CHRM2: variants seen among roughly 807,000 people sequenced by gnomAD.
CHRM2 encodes cholinergic receptor muscarinic 2, also known as muscarinic acetylcholine receptor M2.
CHRM2 carries 8 observed loss-of-function variants against 25.0 expected under a neutral mutation model. That is an observed-to-expected ratio of 0.32 (90% CI 0.19 to 0.58). The LOEUF (loss-of-function observed/expected upper bound fraction) is 0.58. Among genes scored for constraint, CHRM2 ranks in the 20% least tolerant of loss-of-function variants. The probability of loss-of-function intolerance (pLI) is 0.88; values close to 1 mark genes in which losing one functional copy is unlikely to be tolerated. For synonymous variants in CHRM2, 202 were observed against 205.7 expected, an observed-to-expected ratio of 0.98 and a Z score of 0.15; for missense variants, 440 against 567.1, an observed-to-expected ratio of 0.78 and a Z score of 2.28.
At chr7:136,989,958 C>T (rs1435035418) in intron 2 of CHRM2, among the ~76,000 whole-genome samples, 1 of 152,132 alleles carries the variant, frequency 6.6e-6, no homozygotes, top group East Asian at 1.9e-4. Context: ...CTCCCAGACT[C>T]AATTTTGCAT....
chr7:136,995,811 G>A (rs1789002853), intron 3 of CHRM2, among the ~76,000 whole-genome samples: 1 of 151,386 alleles, frequency 6.6e-6, no homozygotes, highest in Non-Finnish European at 1.5e-5. Context: ...AATTTCATAA[G>A]GATAAAGGGA....
intron 2 of CHRM2, chr7:136,871,938 C>T (rs1256849460): frequency 6.6e-6 from 1 of 152,198 alleles, no homozygotes; most frequent in East Asian, 1.9e-4. Context: ...GTTCCAGTTG[C>T]AGCAATACAA....
chr7:137,005,653 T>C (rs1456254840), intron 3 of CHRM2, among the ~76,000 whole-genome samples: 1 of 152,080 alleles, frequency 6.6e-6, no homozygotes, highest in East Asian at 1.9e-4. Context: ...CAGCTTCCAA[T>C]GGGCACATAG....
At chr7:136,948,154 A>G (rs1172435522) in intron 2 of CHRM2, among the ~76,000 whole-genome samples, 2 of 152,154 alleles carry the variant, frequency 1.3e-5, no homozygotes, top group Non-Finnish European at 2.9e-5. Context: ...CCAGTGGCCC[A>G]CATCCACCAA....
At chr7:136,910,027 G>A (rs1161758138) in intron 2 of CHRM2, among the ~76,000 whole-genome samples, 1 of 151,796 alleles carries the variant, frequency 6.6e-6, no homozygotes, top group Non-Finnish European at 1.5e-5. Flanking sequence ...TTTAGTAACT[G>A]AGTGAGTAGT....
intron 2 of CHRM2, among the ~76,000 whole-genome samples, chr7:136,991,025 T>C (rs563814857): frequency 1.3e-5 from 2 of 152,308 alleles, no homozygotes; most frequent in South Asian, 4.1e-4. Flanking sequence ...TGTTTTCTGG[T>C]GAGTTATCCA....
intron 3 of CHRM2, among the ~76,000 whole-genome samples, chr7:137,008,442 T>C (rs1804593027): frequency 6.6e-6 from 1 of 152,106 alleles, no homozygotes; most frequent in South Asian, 2.1e-4. Context: ...TTAGCCCTCA[T>C]ATACAAAATT....
chr7:136,899,882 T>C (rs1001866824), intron 2 of CHRM2: 1 of 152,114 alleles, frequency 6.6e-6, no homozygotes, highest in African/African-American at 2.4e-5. Flanking sequence ...TAGATATGAA[T>C]ACACTTCATA....
At chr7:136,967,474 C>A (rs2130916287) in intron 2 of CHRM2, among the ~76,000 whole-genome samples, 1 of 151,924 alleles carries the variant, frequency 6.6e-6, no homozygotes, top group East Asian at 1.9e-4. Context: ...CAAAATTTAA[C>A]CTTAAAGAAG....
intron 2 of CHRM2, among the ~76,000 whole-genome samples, chr7:136,960,573 T>C (rs1489877363): frequency 6.6e-6 from 1 of 152,146 alleles, no homozygotes; most frequent in Non-Finnish European, 1.5e-5. Flanking sequence ...AGTTGTAGAG[T>C]AACTGCTTAA....
At position 137,007,190 on chromosome 7, in the gene CHRM2, T is replaced by C. The variant is rs190873989; in HGVS notation, c.-46-7630T>C. ...ACCACATCTGACCAGCCTTGCTCCA[T>C]GGTTTCTCAGCCTTGTTGCTTAGCA... On this transcript the variant is annotated intron_variant, in intron 3 of 3. Coordinates refer to ENST00000680005, the MANE Select transcript of CHRM2 (RefSeq NM_001006630.2). 1.7e-3 allele frequency among the ~76,000 whole-genome samples: 258 copies of C among 152,230 alleles called. 2 individuals carry two copies. Among genetic ancestry groups the C allele is most frequent in the African/African-American group, 5.0e-3 (208 of 41,574 alleles).
chr7:136,967,805 T>C (rs556336014), intron 2 of CHRM2, among the ~76,000 whole-genome samples: 239 of 152,198 alleles, frequency 1.6e-3, no homozygotes, highest in African/African-American at 5.4e-3. Context: ...CCACTGAAAC[T>C]ACAATTAGGG....
chr7:136,869,128 C>T lies in CHRM2; in HGVS notation c.-282-133C>T, dbSNP rs1795708641. On this transcript the variant is annotated intron_variant, in intron 1 of 3. Coordinates refer to ENST00000680005, the MANE Select transcript of CHRM2 (RefSeq NM_001006630.2). This position sits in a 1 kb window ranked among gnomAD's most constrained non-coding sequence, Gnocchi z 4.9. The stretch of plus-strand genomic sequence containing the variant: ...TGAGACGAGTGTGGGGTGCGTGACT[C>T]TGCCTGCGCGCGCGCCAGCCCCGCA... The T allele has an allele frequency of 6.6e-6, 1 of 152,286 alleles. No homozygotes were observed. The highest frequency in any genetic ancestry group is 1.5e-5 in the Non-Finnish European group (1 of 68,144). 9.4% of individuals were successfully genotyped at this position (152,286 alleles called of 1,614,324 possible).
At chr7:136,958,677 A>C (rs1173499363) in intron 2 of CHRM2, among the ~76,000 whole-genome samples, 1 of 152,002 alleles carries the variant, frequency 6.6e-6, no homozygotes, top group Non-Finnish European at 1.5e-5. Flanking sequence ...GGCTAGTCTC[A>C]AATTCCTGAG....
rs189572942 is a variant in CHRM2 at position 136,989,413 on chromosome 7, C to T, written c.-124-2774C>T. Among the ~76,000 whole-genome samples, 84 of 152,126 alleles carry T rather than the reference C, an allele frequency of 5.5e-4. 1 individual carries two copies. The highest frequency in any genetic ancestry group is 1.3e-3 in the African/African-American group (55 of 41,530). On this transcript the variant is annotated intron_variant, in intron 2 of 3. Coordinates refer to ENST00000680005, the MANE Select transcript of CHRM2 (RefSeq NM_001006630.2). Reference sequence around the variant, plus strand: ...TTTATCTTAGTATGATGCATACTTACGGAAATTCAGATGCTTAATTGAGAA... The same window carrying T: ...TTTATCTTAGTATGATGCATACTTATGGAAATTCAGATGCTTAATTGAGAA...
intron 2 of CHRM2, among the ~76,000 whole-genome samples, chr7:136,930,357 C>CA (rs1423126529): frequency 6.6e-6 from 1 of 151,680 alleles, no homozygotes; most frequent in Non-Finnish European, 1.5e-5. Flanking sequence ...ATAAAGGTTT[C>CA]AAAAAGCATC....
chr7:136,930,701 T>C (rs1799027887), intron 2 of CHRM2, among the ~76,000 whole-genome samples: 1 of 151,510 alleles, frequency 6.6e-6, no homozygotes, highest in Admixed American at 6.6e-5. Flanking sequence ...ATCGAGACCA[T>C]CGTGGTTAAC....
At chr7:136,996,632 A>G (rs761057668) in intron 3 of CHRM2, among the ~76,000 whole-genome samples, 2 of 152,202 alleles carry the variant, frequency 1.3e-5, no homozygotes, top group African/African-American at 2.4e-5. Flanking sequence ...TTGCTACACT[A>G]TTATATGCTA....
chr7:136,986,284 C>G (rs930130435), intron 2 of CHRM2, among the ~76,000 whole-genome samples: 14 of 152,114 alleles, frequency 9.2e-5, no homozygotes, highest in African/African-American at 2.9e-4. Context: ...TCATCTTACT[C>G]CCTTTCCTTC....
Sources: allele counts gnomAD v4.1 joint callset (sites outside exome capture counted in the v4.1 genomes callset), GRCh38; gene constraint gnomAD v4.1.1; non-coding constraint Gnocchi (gnomAD v3.1); transcripts MANE v1.5; gene names NCBI Gene and HGNC (gene_info 2026-07-23, HGNC 2026-07-21).